Variants in HMGXB4 observed in about 807,000 individuals in gnomAD.
The protein encoded by HMGXB4 is HMG-box containing 4, also known as HMG domain-containing protein 4.
Under a neutral mutation model 63.9 loss-of-function variants are expected in HMGXB4, and 27 were observed. The observed-to-expected ratio is 0.42, with a 90% CI of 0.31 to 0.58. The LOEUF (loss-of-function observed/expected upper bound fraction) is 0.58, where lower values mean the gene tolerates loss of function less well. Among genes scored for constraint, HMGXB4 ranks in the 20% least tolerant of loss-of-function variants. The pLI, the probability that HMGXB4 is intolerant of heterozygous loss-of-function variation, is 0.13. For missense variants in HMGXB4, 624 were observed against 700.7 expected (o/e 0.89, Z 1.24); for synonymous variants, 264 against 265.3 (o/e 0.99, Z 0.05).
At chr22:35,245,627 T>TG in the HMGXB4 span, among the ~76,000 whole-genome samples, 1 of 152,162 alleles carries the variant, frequency 6.6e-6, no homozygotes, top group Non-Finnish European at 1.5e-5. Flanking sequence ...TCTGCACATT[T>TG]GGGGTATTAT....
chr22:35,259,215 G>A (rs1228885355), intron 1 of HMGXB4, among the ~76,000 whole-genome samples: 1 of 152,064 alleles, frequency 6.6e-6, no homozygotes, highest in Non-Finnish European at 1.5e-5. Flanking sequence ...ACATTTTTAT[G>A]GTACCAGTTT....
chr22:35,247,880 G>A, the HMGXB4 span, among the ~76,000 whole-genome samples: 2 of 152,246 alleles, frequency 1.3e-5, no homozygotes, highest in African/African-American at 4.8e-5. Flanking sequence ...ACAAAATCAT[G>A]TGTCATTTAA....
At chr22:35,289,040 TGAGGCAAGA>T (rs996346512) in intron 9 of HMGXB4, among the ~76,000 whole-genome samples, 7 of 152,134 alleles carry the variant, frequency 4.6e-5, no homozygotes, top group African/African-American at 1.4e-4. Flanking sequence ...CTCGGGAGGC[TGAGGCAAGA>T]GAATCACTTG....
intron 5 of HMGXB4, among the ~76,000 whole-genome samples, chr22:35,272,508 T>A (rs975743313): frequency 2.6e-5 from 4 of 152,202 alleles, no homozygotes; most frequent in African/African-American, 9.7e-5. Flanking sequence ...TATGGTAATA[T>A]CTTGATGATT....
chr22:35,247,630 C>G, the HMGXB4 span, among the ~76,000 whole-genome samples: 4 of 152,086 alleles, frequency 2.6e-5, no homozygotes, highest in African/African-American at 9.6e-5. Context: ...GGAAACTCTC[C>G]AGGCATTAAG....
intron 5 of HMGXB4, among the ~76,000 whole-genome samples, chr22:35,273,802 T>C (rs760512): frequency 0.5 from 75,695 of 151,948 alleles, 22,366 homozygotes; most frequent in Non-Finnish European, 0.65. Flanking sequence ...CTACAGCTCA[T>C]TGGAGAGCTT....
At chr22:35,247,235 G>C in the HMGXB4 span, among the ~76,000 whole-genome samples, 1 of 152,314 alleles carries the variant, frequency 6.6e-6, no homozygotes, top group Admixed American at 6.5e-5. Context: ...TTCAAGGTTT[G>C]TTTCTAAGCC....
rs1924713503 is a variant in HMGXB4 at position 35,288,264 on chromosome 22, CAGA to C, written c.1501_1503del (p.Lys501del). The C allele has an allele frequency of 6.3e-7, 1 of 1,594,900 alleles. No homozygotes were observed. The highest frequency in any genetic ancestry group is 8.5e-7 in the Non-Finnish European group (1 of 1,170,308). ...CTCTTCTGTAGGAGTACTGTCACCC[CAGA>C]AGAAGTCCCCACCCACCACCATGCT... On this transcript the variant is annotated inframe_deletion, in exon 9 of 11. Transcript: ENST00000216106.
At chr22:35,292,888 T>G in intron 9 of HMGXB4, 104 bp from the exon 10 acceptor site, 14 of 1,365,204 alleles carry the variant, frequency 1.0e-5, no homozygotes, top group Non-Finnish European at 1.4e-5. Flanking sequence ...AAGTTTCAAA[T>G]TATAAGAGTA....
chr22:35,267,170 T>A (rs530771660), intron 5 of HMGXB4, among the ~76,000 whole-genome samples: 2 of 137,130 alleles, frequency 1.5e-5, no homozygotes, highest in East Asian at 2.1e-4. Flanking sequence ...TATAAAATAA[T>A]ATATTATATA....
chr22:35,282,146 A>G (rs1924280447), intron 5 of HMGXB4, among the ~76,000 whole-genome samples: 1 of 152,122 alleles, frequency 6.6e-6, no homozygotes, highest in Non-Finnish European at 1.5e-5. Context: ...AAAAGCCCCC[A>G]AGGGCTTTTA....
At chr22:35,246,744 G>A in the HMGXB4 span, among the ~76,000 whole-genome samples, 1 of 152,212 alleles carries the variant, frequency 6.6e-6, no homozygotes, top group Non-Finnish European at 1.5e-5. Flanking sequence ...AGGTCCTGAG[G>A]TCCCCGGTTG....
Position 35,265,112 on chromosome 22 carries a change from C to T in HMGXB4, c.724C>T (p.Gln242Ter). The change falls in exon 5 of 11, where the codon CAG becomes TAG. Residue 242 changes from glutamine to a stop codon, truncating the protein, a stop_gained. Transcript: ENST00000216106. LOFTEE classifies it high-confidence loss of function. ...QGALLLGHELQSFLKTARKKH... is the reference protein window; with the variant it reads ...QGALLLGHEL ...TGCTTTACTCCTAGGACATGAGTTA[C>T]AGAGCTTTCTGAAAACAGCCCGGAA... 1 of 1,614,132 alleles carries T rather than the reference C, an allele frequency of 6.2e-7. No individual in the cohort carries two copies. The highest frequency in any genetic ancestry group is 8.5e-7 in the Non-Finnish European group (1 of 1,180,022).
chr22:35,288,999 G>T (rs1343582044), intron 9 of HMGXB4, among the ~76,000 whole-genome samples: 1 of 152,130 alleles, frequency 6.6e-6, no homozygotes, highest in Non-Finnish European at 1.5e-5. Flanking sequence ...AATTAGCCAG[G>T]TGTGGTGGCA....
intron 5 of HMGXB4, among the ~76,000 whole-genome samples, chr22:35,270,247 A>G (rs1923524980): frequency 6.6e-6 from 1 of 152,156 alleles, no homozygotes; most frequent in Non-Finnish European, 1.5e-5. Context: ...CTGTCAGATT[A>G]GCAGCGGCAT....
upstream of HMGXB4, among the ~76,000 whole-genome samples, chr22:35,253,148 A>AAAAGAAAAAAG (rs1440302066): frequency 4.0e-5 from 6 of 150,100 alleles, no homozygotes; most frequent in African/African-American, 1.5e-4. Context: ...AAAAAAAAAA[A>AAAAGAAAAAAG]AAGAAAAAAG....
At chr22:35,249,038 T>C in the HMGXB4 span, among the ~76,000 whole-genome samples, 77 of 152,338 alleles carry the variant, frequency 5.1e-4, no homozygotes, top group East Asian at 0.014. Context: ...ACTTAGGCTA[T>C]GCTAAATTTA....
At chr22:35,266,492 A>C (rs912099575) in intron 5 of HMGXB4, among the ~76,000 whole-genome samples, 2 of 152,198 alleles carry the variant, frequency 1.3e-5, no homozygotes, top group African/African-American at 4.8e-5. Context: ...TAGGGAGCTC[A>C]CTGTTGATTA....
the HMGXB4 span, among the ~76,000 whole-genome samples, chr22:35,244,443 G>A: frequency 1.3e-5 from 2 of 151,958 alleles, no homozygotes; most frequent in Admixed American, 1.3e-4. Context: ...AGAATAAATA[G>A]TAACTTCCCT....
Sources: allele counts gnomAD v4.1 joint callset (sites outside exome capture counted in the v4.1 genomes callset), GRCh38; gene constraint gnomAD v4.1.1; transcripts MANE v1.5; gene names NCBI Gene and HGNC (gene_info 2026-07-23, HGNC 2026-07-21).